Variants in RBFOX1 observed in about 807,000 individuals in gnomAD.
RBFOX1 encodes the protein RNA binding protein fox-1 homolog 1.
In RBFOX1, 8 loss-of-function variants were observed where a neutral mutation model predicts 57.7. The ratio of observed to expected loss-of-function variants is 0.14; its 90% CI spans 0.08 to 0.25. The LOEUF (loss-of-function observed/expected upper bound fraction) is 0.25. Ranked by LOEUF, RBFOX1 falls within the 10% of genes least tolerant of loss-of-function variation. The pLI, the probability that RBFOX1 is intolerant of heterozygous loss-of-function variation, is 1.00. For synonymous variants in RBFOX1, 326 were observed against 222.4 expected, an observed-to-expected ratio of 1.47 and a Z score of -4.15; for missense variants, 611 against 548.5, an observed-to-expected ratio of 1.11 and a Z score of -1.14.
intron 4 of RBFOX1, among the ~76,000 whole-genome samples, chr16:7,477,775 C>T (rs2063045855): frequency 6.6e-6 from 1 of 152,142 alleles, no homozygotes; most frequent in African/African-American, 2.4e-5. Flanking sequence ...CCTTCTCTTC[C>T]CATAACCACA....
At chr16:6,914,895 A>G (rs2072720209) in intron 3 of RBFOX1, among the ~76,000 whole-genome samples, 1 of 152,184 alleles carries the variant, frequency 6.6e-6, no homozygotes, top group Admixed American at 6.5e-5. Flanking sequence ...CAAAAACAAA[A>G]CACAGATGGA....
chr16:5,653,546 G>T (rs982902378), intron 3 of RBFOX1, among the ~76,000 whole-genome samples: 3 of 152,132 alleles, frequency 2.0e-5, no homozygotes, highest in African/African-American at 7.2e-5. Context: ...TGCAGAAGGT[G>T]GGGTGCTGAG....
At chr16:6,882,133 C>T (rs1056748632) in intron 3 of RBFOX1, among the ~76,000 whole-genome samples, 1 of 152,136 alleles carries the variant, frequency 6.6e-6, no homozygotes, top group African/African-American at 2.4e-5. Flanking sequence ...AAAGTCAAGG[C>T]TGCTGATGGT....
At chr16:6,918,828 A>G (rs1283480500) in intron 3 of RBFOX1, among the ~76,000 whole-genome samples, 2 of 152,174 alleles carry the variant, frequency 1.3e-5, no homozygotes, top group African/African-American at 2.4e-5. Flanking sequence ...TTAATAAACA[A>G]GTATTTTCAG....
At chr16:6,806,778 T>G (rs2086867308) in intron 3 of RBFOX1, among the ~76,000 whole-genome samples, 1 of 86,260 alleles carries the variant, frequency 1.2e-5, no homozygotes, top group Admixed American at 1.1e-4. Context: ...TGTTTCTTTT[T>G]CTCTTTCCTT....
rs948008237 is a variant in RBFOX1, at chr16:7,696,683, G to A, written c.996-12373G>A. Among the ~76,000 whole-genome samples the A allele has an allele frequency of 8.5e-5, 13 of 152,268 alleles. No homozygotes were observed. In the East Asian group the frequency reaches 1.5e-3, roughly 18 times the overall value. On this transcript the variant is annotated intron_variant, in intron 14 of 15. Coordinates refer to ENST00000550418, the MANE Select transcript of RBFOX1 (RefSeq NM_018723.4). The stretch of plus-strand genomic sequence containing the variant: ...TATGGGAGAACAGATCCCAAAGCAC[G>A]TATATGAATAAGCAGATAATATATA...
At chr16:7,339,757 G>T (rs2096857951) in intron 4 of RBFOX1, among the ~76,000 whole-genome samples, 1 of 152,272 alleles carries the variant, frequency 6.6e-6, no homozygotes, top group South Asian at 2.1e-4. Context: ...TATTTGTTAA[G>T]AATTCTTTTG....
At chr16:7,087,070 T>G (rs1190423792) in intron 4 of RBFOX1, among the ~76,000 whole-genome samples, 1 of 152,186 alleles carries the variant, frequency 6.6e-6, no homozygotes, top group Non-Finnish European at 1.5e-5. Context: ...ACAAGTGTGC[T>G]GAGCTGTGCG....
intron 4 of RBFOX1, among the ~76,000 whole-genome samples, chr16:7,404,714 A>C (rs1230445383): frequency 6.6e-6 from 1 of 152,172 alleles, no homozygotes; most frequent in Non-Finnish European, 1.5e-5. Context: ...AAAAACAAAC[A>C]AACAAACAAA....
At chr16:7,097,741 A>G (rs1357023384) in intron 4 of RBFOX1, among the ~76,000 whole-genome samples, 1 of 152,244 alleles carries the variant, frequency 6.6e-6, no homozygotes, top group East Asian at 1.9e-4. Context: ...CTGAGTCAGC[A>G]GAGAGCTAGT....
intron 2 of RBFOX1, among the ~76,000 whole-genome samples, chr16:6,503,325 G>A (rs138679138): frequency 0.01 from 1,574 of 152,262 alleles, 20 homozygotes; most frequent in African/African-American, 0.027. Flanking sequence ...TGGGATAAAG[G>A]AGATTGTAGA....
intron 1 of RBFOX1, among the ~76,000 whole-genome samples, chr16:6,250,411 G>T (rs568871852): frequency 6.6e-6 from 1 of 152,232 alleles, no homozygotes; most frequent in East Asian, 1.9e-4. Context: ...TTTGTGATGC[G>T]GAGGTGGGAT....
intron 2 of RBFOX1, among the ~76,000 whole-genome samples, chr16:6,598,144 TCACA>T (rs1034975557): frequency 6.6e-6 from 1 of 152,244 alleles, no homozygotes; most frequent in Non-Finnish European, 1.5e-5. Flanking sequence ...ATCCGTGTCT[TCACA>T]CACACATCTG....
At chr16:6,428,106 G>C (rs1470711242) in intron 2 of RBFOX1, among the ~76,000 whole-genome samples, 1 of 151,810 alleles carries the variant, frequency 6.6e-6, no homozygotes, top group Non-Finnish European at 1.5e-5. Flanking sequence ...AACATAGTGA[G>C]ACCCCATCCC....
At chr16:6,605,051 T>A (rs1428711642) in intron 2 of RBFOX1, among the ~76,000 whole-genome samples, 1 of 151,992 alleles carries the variant, frequency 6.6e-6, no homozygotes, top group Non-Finnish European at 1.5e-5. Flanking sequence ...TATAAACACA[T>A]GCACAACGTG....
intron 3 of RBFOX1, among the ~76,000 whole-genome samples, chr16:5,605,947 C>A (rs538221962): frequency 6.6e-6 from 1 of 152,126 alleles, no homozygotes; most frequent in African/African-American, 2.4e-5. Flanking sequence ...GCTGGCCCAC[C>A]TTTCCCATTG....
At chr16:5,772,406 G>A (rs1391294894) in intron 3 of RBFOX1, among the ~76,000 whole-genome samples, 1 of 152,268 alleles carries the variant, frequency 6.6e-6, no homozygotes, top group South Asian at 2.1e-4. Context: ...TGGGATTTCA[G>A]AGATTTTAGG....
In RBFOX1 at chr16:7,446,176, G is replaced by A. The variant is rs369372626; in HGVS notation, c.28-71971G>A. On this transcript the variant is annotated intron_variant, in intron 4 of 15. Coordinates refer to ENST00000550418, the MANE Select transcript of RBFOX1 (RefSeq NM_018723.4). ...AAGAGCATTGTCATTGACAAATAGG[G>A]CTTTTAATAACCAGCAGTTCTCCTG... is the stretch of plus-strand genomic sequence containing the variant. 6.6e-5 allele frequency among the ~76,000 whole-genome samples: 10 copies of A among 152,288 alleles called. No homozygotes were observed. In the South Asian group the frequency reaches 2.1e-3, roughly 32 times the overall value.
chr16:6,117,188 TGA>T (rs1349401778), intron 1 of RBFOX1, among the ~76,000 whole-genome samples: 16 of 151,924 alleles, frequency 1.1e-4, no homozygotes, highest in Admixed American at 1.0e-3. Flanking sequence ...GTGAAAAGGG[TGA>T]GAGTTCAGGG....
Sources: allele counts gnomAD v4.1 joint callset (sites outside exome capture counted in the v4.1 genomes callset), GRCh38; gene constraint gnomAD v4.1.1; transcripts MANE v1.5; gene names NCBI Gene and HGNC (gene_info 2026-07-23, HGNC 2026-07-21).